Variants in JARID2 observed in about 807,000 individuals in gnomAD.
JARID2 encodes the protein jumonji and AT-rich interaction domain containing 2.
In JARID2, 21 loss-of-function variants were observed where a neutral mutation model predicts 125.6. The observed-to-expected ratio is 0.17, with a 90% CI of 0.12 to 0.24. The LOEUF (loss-of-function observed/expected upper bound fraction) is 0.24. Among genes scored for constraint, JARID2 ranks in the 10% least tolerant of loss-of-function variants. The pLI is 1.00. For synonymous variants in JARID2, 736 were observed against 661.6 expected (o/e 1.11, Z -1.73); for missense variants, 1,303 against 1,639.6 (o/e 0.79, Z 3.55).
At chr6:15,284,643 C>T (rs139546803) in intron 1 of JARID2, among the ~76,000 whole-genome samples, 9 of 151,880 alleles carry the variant, frequency 5.9e-5, no homozygotes, top group African/African-American at 9.7e-5. Context: ...CCTGCCAACA[C>T]GCTTGGCTAA....
intron 16 of JARID2, among the ~76,000 whole-genome samples, chr6:15,515,607 G>A (rs1771508901): frequency 6.6e-6 from 1 of 152,066 alleles, no homozygotes; most frequent in Non-Finnish European, 1.5e-5. Context: ...GTGACAGAGG[G>A]AGACTAATCT....
At chr6:15,246,957 A>G (rs905980219) in intron 1 of JARID2, among the ~76,000 whole-genome samples, 51 of 152,304 alleles carry the variant, frequency 3.3e-4, no homozygotes, top group African/African-American at 1.2e-3. Flanking sequence ...AGCCTGTGTT[A>G]TTATTATTAA....
chr6:15,488,941 C>G (rs1369359937), intron 6 of JARID2, among the ~76,000 whole-genome samples: 1 of 152,162 alleles, frequency 6.6e-6, no homozygotes, highest in Non-Finnish European at 1.5e-5. Flanking sequence ...CCCGGATTGT[C>G]AGCACTGGAG....
intron 1 of JARID2, among the ~76,000 whole-genome samples, chr6:15,331,718 A>G (rs1762716857): frequency 6.6e-6 from 1 of 151,968 alleles, no homozygotes; most frequent in Non-Finnish European, 1.5e-5. Context: ...TTAGCCGGGT[A>G]TGTTGGCAGG....
intron 1 of JARID2, among the ~76,000 whole-genome samples, chr6:15,302,969 C>T (rs1761687415): frequency 6.6e-6 from 1 of 152,154 alleles, no homozygotes; most frequent in Non-Finnish European, 1.5e-5. Context: ...GGTGATCCAC[C>T]CACCTCGGCC....
intron 3 of JARID2, among the ~76,000 whole-genome samples, chr6:15,443,783 G>A (rs1204780024): frequency 1.3e-5 from 2 of 151,944 alleles, no homozygotes; most frequent in Non-Finnish European, 2.9e-5. Flanking sequence ...TTTTAAAATA[G>A]TCCTTAAAAA....
chr6:15,394,112 TG>T (rs1248645028), intron 2 of JARID2, among the ~76,000 whole-genome samples: 1 of 152,162 alleles, frequency 6.6e-6, no homozygotes, highest in Non-Finnish European at 1.5e-5. Context: ...GTAAAGTATA[TG>T]AGCTATGTCT....
intron 1 of JARID2, among the ~76,000 whole-genome samples, chr6:15,343,666 T>C (rs1299272172): frequency 6.6e-6 from 1 of 152,200 alleles, no homozygotes; most frequent in Non-Finnish European, 1.5e-5. Context: ...ATTGAGCAGA[T>C]GTTCTCTGAG....
intron 2 of JARID2, among the ~76,000 whole-genome samples, chr6:15,386,384 A>C (rs1174285462): frequency 6.6e-6 from 1 of 152,082 alleles, no homozygotes; most frequent in Non-Finnish European, 1.5e-5. Context: ...TCTTGTTGTG[A>C]CAAGTGTACA....
chr6:15,404,744 T>C (rs184037694), intron 2 of JARID2, among the ~76,000 whole-genome samples: 158 of 152,348 alleles, frequency 1.0e-3, no homozygotes, highest in African/African-American at 3.5e-3. Context: ...GTCACCCTAA[T>C]ATGCTAATGA....
intron 9 of JARID2, among the ~76,000 whole-genome samples, chr6:15,505,834 G>A (rs1272641143): frequency 2.0e-5 from 3 of 152,242 alleles, no homozygotes; most frequent in East Asian, 1.9e-4. Flanking sequence ...TGTGGCTTCC[G>A]CAGCTGCTTC....
intron 1 of JARID2, among the ~76,000 whole-genome samples, chr6:15,322,676 C>G (rs1204687984): frequency 6.6e-6 from 1 of 152,170 alleles, no homozygotes; most frequent in Non-Finnish European, 1.5e-5. Context: ...CTGGCTGACC[C>G]AAAACTTCTC....
intron 1 of JARID2, chr6:15,248,839 G>C (rs998044279): frequency 2.3e-5 from 21 of 902,944 alleles, no homozygotes; most frequent in African/African-American, 2.0e-4. Flanking sequence ...CGGGGCGGCG[G>C]GGGGAGGAGG....
intron 1 of JARID2, among the ~76,000 whole-genome samples, chr6:15,343,407 A>C (rs761617379): frequency 2.3e-4 from 35 of 152,124 alleles, no homozygotes; most frequent in Non-Finnish European, 4.7e-4. Flanking sequence ...AATGTAACCA[A>C]ATTTAGTGTG....
At chr6:15,405,425 C>T (rs1765610037) in intron 2 of JARID2, among the ~76,000 whole-genome samples, 1 of 152,228 alleles carries the variant, frequency 6.6e-6, no homozygotes, top group Non-Finnish European at 1.5e-5. Context: ...CTTCTCCCGT[C>T]AGCTGATGGT....
chr6:15,247,944 C>T lies in JARID2; in HGVS notation c.45+1360C>T. ...GCAACCTTGTCTTGGAGCGTGGACG[C>T]CTTCCCGGGGCACGTCCGTTTCGGA... On this transcript the variant is annotated intron_variant, in intron 1 of 17. Transcript: ENST00000341776. 3.0e-6 allele frequency: 3 copies of T among 985,488 alleles called. No homozygotes were observed. In the South Asian group the frequency reaches 1.4e-4, roughly 46 times the overall value. The allele number at this position is 985,488 out of a possible 1,614,324, so 61.0% of individuals were successfully genotyped here.
chr6:15,345,962 G>A (rs1763230821), intron 1 of JARID2, among the ~76,000 whole-genome samples: 1 of 152,178 alleles, frequency 6.6e-6, no homozygotes, highest in Admixed American at 6.5e-5. Context: ...ATGGAGTGGT[G>A]ATATATGAAA....
chr6:15,460,063 A>G (rs1768370781), intron 4 of JARID2, among the ~76,000 whole-genome samples: 1 of 152,204 alleles, frequency 6.6e-6, no homozygotes, highest in Non-Finnish European at 1.5e-5. Context: ...GAACGGTGTC[A>G]TCACTGCCTA....
chr6:15,448,531 T>G (rs1383744468), intron 3 of JARID2, among the ~76,000 whole-genome samples: 2 of 152,234 alleles, frequency 1.3e-5, no homozygotes, highest in Non-Finnish European at 2.9e-5. Context: ...CCTGCAATAC[T>G]CAGAGTGCGA....
Sources: gnomAD v4.1 joint callset for allele counts (sites outside exome capture counted in the v4.1 genomes callset) on GRCh38, gnomAD v4.1.1 for gene constraint, MANE v1.5 for transcripts, NCBI Gene and HGNC (gene_info 2026-07-23, HGNC 2026-07-21) for gene names.